WDR70: variants seen among roughly 807,000 people sequenced by gnomAD.
WDR70 encodes WD repeat domain 70.
In WDR70, 53 loss-of-function variants were observed where a neutral mutation model predicts 88.6. The ratio of observed to expected loss-of-function variants is 0.60; its 90% CI spans 0.48 to 0.75. WDR70 has a LOEUF of 0.75. Among genes scored for constraint, WDR70 ranks in the 30% least tolerant of loss-of-function variants. The pLI, the probability that WDR70 is intolerant of heterozygous loss-of-function variation, is 0.00. For synonymous variants in WDR70, 280 were observed against 270.0 expected, an observed-to-expected ratio of 1.04 and a Z score of -0.36; for missense variants, 610 against 823.2, an observed-to-expected ratio of 0.74 and a Z score of 3.17.
At chr5:37,587,490 C>T (rs1743394928) in intron 9 of WDR70, among the ~76,000 whole-genome samples, 4 of 151,988 alleles carry the variant, frequency 2.6e-5, no homozygotes, top group Admixed American at 2.6e-4. Context: ...AGAATCTCAG[C>T]TCTCCCCAAA....
chr5:37,594,360 A>T (rs1743634216), intron 9 of WDR70, among the ~76,000 whole-genome samples: 1 of 152,140 alleles, frequency 6.6e-6, no homozygotes, highest in African/African-American at 2.4e-5. Context: ...CTTTCTACAT[A>T]TGGCTAGCCA....
intron 2 of WDR70, among the ~76,000 whole-genome samples, chr5:37,380,519 T>C (rs1397374704): frequency 6.6e-6 from 1 of 152,104 alleles, no homozygotes; most frequent in East Asian, 1.9e-4. Context: ...TTTTTTTGTA[T>C]TTTTAGTAGA....
rs149530325 is a variant in WDR70 at position 37,654,206 on chromosome 5, G to A, written c.1093-43449G>A. 2.5e-4 allele frequency among the ~76,000 whole-genome samples: 38 copies of A among 152,282 alleles called. No homozygotes were observed. The East Asian group carries it at 6.9e-3, about 28-fold the overall frequency. On this transcript the variant is annotated intron_variant, in intron 10 of 17. Transcript: ENST00000265107. ...CTGCTTTCATTTCATTATTCACCCA[G>A]TAGTCATTCAGGCACAGTTTGTTCA...
chr5:37,457,091 A>G lies in WDR70; in HGVS notation c.686+13719A>G, dbSNP rs1738863125. 2.0e-5 allele frequency among the ~76,000 whole-genome samples: 3 copies of G among 151,914 alleles called. No individual in the cohort carries two copies. In the South Asian group the frequency reaches 6.2e-4, roughly 32 times the overall value. ...GACCAGACTTTTTTTTCCGCATAAC[A>G]CTTTGATAATGTCTTTTTTTTTGAG... On this transcript the variant is annotated intron_variant, in intron 7 of 17. Coordinates refer to ENST00000265107, the MANE Select transcript of WDR70 (RefSeq NM_018034.4).
At chr5:37,566,822 C>T (rs1742754452) in intron 9 of WDR70, among the ~76,000 whole-genome samples, 2 of 152,140 alleles carry the variant, frequency 1.3e-5, no homozygotes, top group South Asian at 4.1e-4. Flanking sequence ...GACATTTGCA[C>T]TTGGACCAAA....
At chr5:37,531,587 C>CTTT (rs149831770) in intron 9 of WDR70, among the ~76,000 whole-genome samples, 158 of 77,690 alleles carry the variant, frequency 2.0e-3, no homozygotes, top group South Asian at 5.0e-3. Flanking sequence ...TAAAGTTTTT[C>CTTT]TTTTTTTTTT....
chr5:37,574,410 A>G (rs767772068), intron 9 of WDR70, among the ~76,000 whole-genome samples: 5 of 152,110 alleles, frequency 3.3e-5, no homozygotes, highest in African/African-American at 4.8e-5. Context: ...AGTGATGCAC[A>G]TTTCTTTGTC....
At position 37,469,851 on chromosome 5, in the gene WDR70, A is replaced by G. The variant is rs890074900; in HGVS notation, c.687-9983A>G. ...AAGGTAAACTAAGTTTTTCTCTGCT[A>G]TTTTTTTGCTTGAGAGAGCTATAAC... On this transcript the variant is annotated intron_variant, in intron 7 of 17. Transcript: ENST00000265107. Among the ~76,000 whole-genome samples, 49 of 152,080 alleles carry G rather than the reference A, an allele frequency of 3.2e-4. 1 individual carries two copies. Among genetic ancestry groups the G allele is most frequent in the African/African-American group, 1.1e-3 (46 of 41,480 alleles).
intron 10 of WDR70, among the ~76,000 whole-genome samples, chr5:37,662,541 A>C (rs1004004958): frequency 5.9e-5 from 9 of 152,190 alleles, no homozygotes; most frequent in Admixed American, 2.6e-4. Context: ...TTTTTACTTC[A>C]GATTAAGACA....
intron 3 of WDR70, among the ~76,000 whole-genome samples, chr5:37,388,355 A>C (rs1266228503): frequency 6.8e-6 from 1 of 146,350 alleles, no homozygotes; most frequent in African/African-American, 2.5e-5. Context: ...TGACCTCGTG[A>C]TCTGCCTGCC....
At chr5:37,686,372 A>C (rs1267654410) in intron 10 of WDR70, among the ~76,000 whole-genome samples, 2 of 152,178 alleles carry the variant, frequency 1.3e-5, no homozygotes, top group East Asian at 1.9e-4. Context: ...ATAATTTGTC[A>C]GACTGTCAGA....
At chr5:37,460,965 G>C (rs931618383) in intron 7 of WDR70, among the ~76,000 whole-genome samples, 1 of 151,502 alleles carries the variant, frequency 6.6e-6, no homozygotes, top group East Asian at 1.9e-4. Flanking sequence ...TCATATTAAG[G>C]TTGCCATATT....
intron 10 of WDR70, among the ~76,000 whole-genome samples, chr5:37,680,290 A>G (rs1385697528): frequency 6.6e-6 from 1 of 151,786 alleles, no homozygotes; most frequent in African/African-American, 2.4e-5. Flanking sequence ...TATAGATGCT[A>G]GATATTAGAT....
intron 10 of WDR70, among the ~76,000 whole-genome samples, chr5:37,686,951 A>AAATAATAAT (rs70978838): frequency 0.037 from 5,304 of 143,040 alleles, 362 homozygotes; most frequent in African/African-American, 0.13. Flanking sequence ...CTCTGTCTCA[A>AAATAATAAT]AATAATAATA....
intron 5 of WDR70, among the ~76,000 whole-genome samples, chr5:37,412,545 C>T (rs1008275106): frequency 5.9e-5 from 9 of 151,890 alleles, no homozygotes; most frequent in African/African-American, 1.2e-4. Context: ...TATCCTGTTT[C>T]CCATTACTAC....
intron 8 of WDR70, among the ~76,000 whole-genome samples, chr5:37,486,977 A>G (rs1265204948): frequency 2.6e-5 from 4 of 152,124 alleles, no homozygotes; most frequent in Non-Finnish European, 5.9e-5. Flanking sequence ...AAGGAATCCG[A>G]TTGGTTCTGT....
At chr5:37,662,480 C>T (rs901829525) in intron 10 of WDR70, among the ~76,000 whole-genome samples, 2 of 152,142 alleles carry the variant, frequency 1.3e-5, no homozygotes, top group African/African-American at 4.8e-5. Context: ...GGGTTCAGTG[C>T]ATCCCTGTGC....
At chr5:37,484,524 T>C (rs1427957735) in intron 8 of WDR70, among the ~76,000 whole-genome samples, 2 of 152,066 alleles carry the variant, frequency 1.3e-5, no homozygotes, top group Admixed American at 6.5e-5. Context: ...AGCTTCGGCT[T>C]GGCATCAGAG....
At chr5:37,680,563 G>A (rs1197256980) in intron 10 of WDR70, among the ~76,000 whole-genome samples, 5 of 152,148 alleles carry the variant, frequency 3.3e-5, no homozygotes, top group African/African-American at 1.2e-4. Context: ...TCCATCTTGT[G>A]TTGATTTTTG....
Sources: gnomAD v4.1 joint callset for allele counts (sites outside exome capture counted in the v4.1 genomes callset) on GRCh38, gnomAD v4.1.1 for gene constraint, MANE v1.5 for transcripts, NCBI Gene and HGNC (gene_info 2026-07-23, HGNC 2026-07-21) for gene names.